Variants in ARIH1 observed in about 807,000 individuals in gnomAD.
ARIH1 encodes the protein E3 ubiquitin-protein ligase ARIH1.
A neutral mutation model predicts 85.0 loss-of-function variants in ARIH1; 8 were observed. The ratio of observed to expected loss-of-function variants is 0.09; its 90% confidence interval spans 0.06 to 0.17. The LOEUF is 0.17. Among genes scored for constraint, ARIH1 ranks in the 10% least tolerant of loss-of-function variants. ARIH1 has a pLI of 1.00. For synonymous variants in ARIH1, 238 were observed against 253.6 expected (o/e 0.94, Z 0.59); for missense variants, 311 against 718.1 (o/e 0.43, Z 6.48).
intron 2 of ARIH1, among the ~76,000 whole-genome samples, chr15:72,520,943 A>G (rs2063996867): frequency 6.6e-6 from 1 of 151,976 alleles, no homozygotes; most frequent in South Asian, 2.1e-4. Context: ...TCCTGGACTC[A>G]AGCAATCCTT....
intron 2 of ARIH1, among the ~76,000 whole-genome samples, chr15:72,537,017 A>AT (rs569055449): frequency 2.2e-3 from 332 of 151,190 alleles, no homozygotes; most frequent in Admixed American, 3.5e-3. Context: ...TAGAATACCC[A>AT]TTTTTTTTTA....
intron 1 of ARIH1, among the ~76,000 whole-genome samples, chr15:72,497,077 G>A (rs559538967): frequency 1.3e-4 from 20 of 152,314 alleles, no homozygotes; most frequent in Admixed American, 7.8e-4. Flanking sequence ...TGGCACTTAG[G>A]CAACAAAGTA....
chr15:72,533,164 T>C (rs1225683474), intron 2 of ARIH1, among the ~76,000 whole-genome samples: 1 of 152,238 alleles, frequency 6.6e-6, no homozygotes, highest in African/African-American at 2.4e-5. Flanking sequence ...GGTCTTGCTC[T>C]GTCTCCCAGG....
chr15:72,489,672 G>A (rs2063851380), intron 1 of ARIH1, among the ~76,000 whole-genome samples: 1 of 152,188 alleles, frequency 6.6e-6, no homozygotes, highest in Admixed American at 6.6e-5. Context: ...ATTTGTGTGT[G>A]CTTTTGACTT....
intron 2 of ARIH1, among the ~76,000 whole-genome samples, chr15:72,539,817 C>T (rs2064098566): frequency 6.6e-6 from 1 of 152,170 alleles, no homozygotes; most frequent in African/African-American, 2.4e-5. Flanking sequence ...AGAACACTAT[C>T]TCTATATGAA....
At chr15:72,531,488 G>A (rs138348682) in intron 2 of ARIH1, among the ~76,000 whole-genome samples, 329 of 152,134 alleles carry the variant, frequency 2.2e-3, no homozygotes, top group African/African-American at 7.8e-3. Flanking sequence ...GGCTGGTCTC[G>A]AACTCCTGAC....
intron 11 of ARIH1, among the ~76,000 whole-genome samples, chr15:72,577,241 T>C (rs1387033222): frequency 3.3e-5 from 5 of 152,036 alleles, no homozygotes; most frequent in Admixed American, 2.6e-4. Flanking sequence ...CACCTCAGCC[T>C]CCCATAATGC....
At chr15:72,506,707 G>GA (rs1213357586) in intron 1 of ARIH1, among the ~76,000 whole-genome samples, 1 of 152,132 alleles carries the variant, frequency 6.6e-6, no homozygotes, top group Non-Finnish European at 1.5e-5. Flanking sequence ...GCTTCTGTAG[G>GA]AAAATCTTAA....
intron 1 of ARIH1, among the ~76,000 whole-genome samples, chr15:72,479,936 C>T (rs1440726509): frequency 3.4e-5 from 5 of 148,864 alleles, no homozygotes; most frequent in Non-Finnish European, 6.0e-5. Flanking sequence ...GGTGCGATCT[C>T]GGCTCACCGC....
chr15:72,498,218 A>G (rs1305434043), intron 1 of ARIH1, among the ~76,000 whole-genome samples: 1 of 147,492 alleles, frequency 6.8e-6, no homozygotes, highest in East Asian at 2.0e-4. Context: ...TCTTATGTCA[A>G]TAGACTTTAA....
At position 72,581,035 on chromosome 15, in the gene ARIH1, A is replaced by G. The variant is rs765785182; in HGVS notation, c.1476+44A>G. On this transcript the variant is annotated intron_variant, in intron 12 of 13. Transcript: ENST00000379887. ...GAGGAAAAAGCCCACCTTGTATCAT[A>G]GGTCTACCTGATCTTTCATATATAA... 10 of 1,571,870 alleles carry G rather than the reference A, an allele frequency of 6.4e-6. No individual in the cohort carries two copies. The South Asian group carries it at 1.2e-4, about 18-fold the overall frequency.
intron 11 of ARIH1, among the ~76,000 whole-genome samples, chr15:72,576,475 C>A (rs545052363): frequency 5.8e-5 from 8 of 138,274 alleles, no homozygotes; most frequent in African/African-American, 2.3e-4. Context: ...CACTGCACTC[C>A]AGCCTGGGTG....
At chr15:72,526,306 T>TCC (rs1291221539) in intron 2 of ARIH1, among the ~76,000 whole-genome samples, 2 of 152,180 alleles carry the variant, frequency 1.3e-5, no homozygotes, top group Non-Finnish European at 2.9e-5. Context: ...GTGCCCATGG[T>TCC]CCCCTGAGGG....
intron 2 of ARIH1, among the ~76,000 whole-genome samples, chr15:72,542,200 G>GGT (rs1483445982): frequency 6.6e-6 from 1 of 152,096 alleles, no homozygotes; most frequent in African/African-American, 2.4e-5. Flanking sequence ...AAAATCTTTG[G>GGT]GTATAGAGGT....
intron 1 of ARIH1, among the ~76,000 whole-genome samples, chr15:72,489,576 A>G (rs1361254133): frequency 6.6e-6 from 1 of 152,244 alleles, no homozygotes; most frequent in Admixed American, 6.5e-5. Flanking sequence ...TTAAGGACAC[A>G]TCTTAATTGC....
chr15:72,511,395 C>T (rs924280018), intron 1 of ARIH1, among the ~76,000 whole-genome samples: 1 of 152,084 alleles, frequency 6.6e-6, no homozygotes, highest in African/African-American at 2.4e-5. Flanking sequence ...CCTCCGCTTC[C>T]CGGGTTCAAG....
At chr15:72,486,385 T>C (rs2063837515) in intron 1 of ARIH1, among the ~76,000 whole-genome samples, 1 of 152,176 alleles carries the variant, frequency 6.6e-6, no homozygotes, top group Non-Finnish European at 1.5e-5. Flanking sequence ...ACCTACCTGC[T>C]ACTGGCCTCG....
intron 2 of ARIH1, among the ~76,000 whole-genome samples, chr15:72,533,013 A>T (rs2064064635): frequency 6.6e-6 from 1 of 152,252 alleles, no homozygotes; most frequent in Non-Finnish European, 1.5e-5. Context: ...GGAGTTCAAG[A>T]TGTGGATATC....
At chr15:72,523,167 G>C (rs2064008386) in intron 2 of ARIH1, among the ~76,000 whole-genome samples, 1 of 152,204 alleles carries the variant, frequency 6.6e-6, no homozygotes, top group Non-Finnish European at 1.5e-5. Flanking sequence ...GTTGAAAACT[G>C]TGTCCATACA....
Sources: gnomAD v4.1 joint callset for allele counts (sites outside exome capture counted in the v4.1 genomes callset) on GRCh38, gnomAD v4.1.1 for gene constraint, MANE v1.5 for transcripts, NCBI Gene and HGNC (gene_info 2026-07-23, HGNC 2026-07-21) for gene names.